Variants in TRIM9 observed in about 807,000 individuals in gnomAD.
TRIM9 encodes E3 ubiquitin-protein ligase TRIM9.
A neutral mutation model predicts 78.3 loss-of-function variants in TRIM9; 26 were observed. That is an observed-to-expected ratio of 0.33 (90% CI 0.24 to 0.46). The LOEUF is 0.46. TRIM9 is among the 20% of genes least tolerant of loss of function. The probability of loss-of-function intolerance (pLI) is 1.00; values close to 1 mark genes in which losing one functional copy is unlikely to be tolerated. For synonymous variants in TRIM9, 398 were observed against 416.5 expected (o/e 0.96, Z 0.54); for missense variants, 787 against 1,036.4 (o/e 0.76, Z 3.30).
chr14:51,008,216 G>T (rs538705952), intron 5 of TRIM9, among the ~76,000 whole-genome samples: 287 of 152,248 alleles, frequency 1.9e-3, no homozygotes, highest in Admixed American at 3.5e-3. Context: ...CGATGCAGTG[G>T]TGATTATAGG....
chr14:51,045,400 T>C (rs72687143), intron 1 of TRIM9, among the ~76,000 whole-genome samples: 29,770 of 152,146 alleles, frequency 0.2, 3,264 homozygotes, highest in Non-Finnish European at 0.25. Flanking sequence ...GATAGAACTT[T>C]CACCTTTTAG....
At chr14:51,038,521 T>C (rs565797677) in intron 1 of TRIM9, among the ~76,000 whole-genome samples, 1 of 152,288 alleles carries the variant, frequency 6.6e-6, no homozygotes, top group African/African-American at 2.4e-5. Flanking sequence ...TCTCCTGGTC[T>C]CCTTTTAAGT....
At chr14:51,084,008 T>C (rs2063539859) in intron 1 of TRIM9, among the ~76,000 whole-genome samples, 1 of 152,202 alleles carries the variant, frequency 6.6e-6, no homozygotes, top group Non-Finnish European at 1.5e-5. Flanking sequence ...TAAACAAGAA[T>C]TGAGGGTATT....
chr14:51,079,338 T>C (rs553096224), intron 1 of TRIM9, among the ~76,000 whole-genome samples: 4 of 152,334 alleles, frequency 2.6e-5, no homozygotes, highest in African/African-American at 9.6e-5. Flanking sequence ...ACTCCTTCCC[T>C]GTTTTACAGA....
At chr14:51,081,522 C>T (rs940994517) in intron 1 of TRIM9, among the ~76,000 whole-genome samples, 1 of 152,138 alleles carries the variant, frequency 6.6e-6, no homozygotes, top group African/African-American at 2.4e-5. Flanking sequence ...TCCAATTTAC[C>T]GACATCCCTA....
At chr14:51,043,340 G>C (rs1238538477) in intron 1 of TRIM9, among the ~76,000 whole-genome samples, 1 of 152,232 alleles carries the variant, frequency 6.6e-6, no homozygotes, top group Non-Finnish European at 1.5e-5. Context: ...GGAGGAAGGA[G>C]TTTCCAAAGG....
At chr14:51,068,474 G>A (rs1011820525) in intron 1 of TRIM9, among the ~76,000 whole-genome samples, 5 of 152,166 alleles carry the variant, frequency 3.3e-5, no homozygotes, top group Non-Finnish European at 5.9e-5. Flanking sequence ...TTTATTAAGA[G>A]CTGCCTGTGT....
At chr14:51,043,631 A>G (rs2059730903) in intron 1 of TRIM9, among the ~76,000 whole-genome samples, 1 of 152,234 alleles carries the variant, frequency 6.6e-6, no homozygotes, top group Non-Finnish European at 1.5e-5. Flanking sequence ...ATTAGGATTC[A>G]TGACCTAGAG....
At chr14:50,978,245 G>C (rs1470274224) in intron 12 of TRIM9, among the ~76,000 whole-genome samples, 1 of 152,204 alleles carries the variant, frequency 6.6e-6, no homozygotes, top group Non-Finnish European at 1.5e-5. Context: ...GCTGGTTCTG[G>C]ATAGGGCAAA....
intron 1 of TRIM9, among the ~76,000 whole-genome samples, chr14:51,047,952 C>G (rs573360617): frequency 1.9e-5 from 2 of 107,660 alleles, no homozygotes; most frequent in East Asian, 5.0e-4. Flanking sequence ...ACTGTGAGAC[C>G]CTGTCTCAAA....
Position 50,998,057 on chromosome 14 carries a change from C to T in TRIM9, c.1596G>A (p.Thr532=), listed in dbSNP as rs778340210. The T allele has an allele frequency of 1.0e-4, 161 of 1,614,070 alleles. No homozygotes were observed. The highest frequency in any genetic ancestry group is 1.3e-4 in the Non-Finnish European group (156 of 1,180,038). Residue 532 remains threonine (T), a synonymous_variant, in exon 7 of 13, where the codon ACG becomes ACA. Coordinates refer to ENST00000684578, the MANE Select transcript of TRIM9 (RefSeq NM_001387360.1). ...ACTGCTGAAGGGCCTTACCCTCAGA[C>T]GTTTGGAGGACCAGGGTCTTGCTGT... ...SPYSKTLVLQ[T]SEDTDSEEQT... is the part of the protein sequence containing the mutation.
At chr14:51,049,841 T>A (rs987172080) in intron 1 of TRIM9, among the ~76,000 whole-genome samples, 1 of 150,778 alleles carries the variant, frequency 6.6e-6, no homozygotes, top group African/African-American at 2.4e-5. Flanking sequence ...AAAAATAAAA[T>A]AAAATAAAAA....
chr14:51,068,562 C>A (rs1045195273), intron 1 of TRIM9, among the ~76,000 whole-genome samples: 1 of 152,034 alleles, frequency 6.6e-6, no homozygotes, highest in African/African-American at 2.4e-5. Context: ...TATTTTTATC[C>A]CCGTTTTACA....
At chr14:51,018,976 T>A (rs10483602) in intron 3 of TRIM9, among the ~76,000 whole-genome samples, 61,703 of 152,138 alleles carry the variant, frequency 0.41, 12,835 homozygotes, top group South Asian at 0.66. Context: ...ATTGTGAATG[T>A]TACATAAACA....
At chr14:51,010,298 A>T in intron 4 of TRIM9, 86 bp downstream of exon 4, 2 of 1,049,830 alleles carry the variant, frequency 1.9e-6, no homozygotes, top group Non-Finnish European at 1.5e-6. Context: ...AGGCCCACCC[A>T]GGGCTGTTGG....
rs1035343926 is a variant in TRIM9, at chr14:50,976,080, T to C, written c.*1211A>G. On this transcript the variant is annotated 3_prime_UTR_variant, in exon 13 of 13. Coordinates refer to ENST00000684578, the MANE Select transcript of TRIM9 (RefSeq NM_001387360.1). ...GTGGACTGCAACTCAAGATCTCCCA[T>C]TACTGAGAATGGGTCCTTTGCCCTC... 6.6e-6 allele frequency: 1 copy of C among 152,588 alleles called. No homozygotes were observed. Among genetic ancestry groups the C allele is most frequent in the African/African-American group, 2.4e-5 (1 of 41,430 alleles). The allele number at this position is 152,588 out of a possible 1,614,324, so 9.5% of individuals were successfully genotyped here.
chr14:51,035,139 G>A (rs183570940), intron 1 of TRIM9, among the ~76,000 whole-genome samples: 7 of 152,310 alleles, frequency 4.6e-5, no homozygotes, highest in Admixed American at 1.3e-4. Flanking sequence ...TGTATGAGAT[G>A]TTTCAAAGGA....
chr14:51,047,262 A>C (rs543391890), intron 1 of TRIM9, among the ~76,000 whole-genome samples: 4 of 152,230 alleles, frequency 2.6e-5, no homozygotes, highest in Non-Finnish European at 5.9e-5. Flanking sequence ...GCCCTAACTC[A>C]AGCATTACCT....
intron 1 of TRIM9, among the ~76,000 whole-genome samples, chr14:51,035,280 T>C (rs559821101): frequency 6.6e-6 from 1 of 152,236 alleles, no homozygotes; most frequent in East Asian, 1.9e-4. Context: ...GCTTTTGAAA[T>C]AAAGAATAAA....
Sources: gnomAD v4.1 joint callset for allele counts (sites outside exome capture counted in the v4.1 genomes callset) on GRCh38, gnomAD v4.1.1 for gene constraint, MANE v1.5 for transcripts, NCBI Gene and HGNC (gene_info 2026-07-23, HGNC 2026-07-21) for gene names.